The following SLC45A4 variants were observed in gnomAD, a reference collection of about 807,000 sequenced individuals.
SLC45A4 encodes polyamine-transporter SLC45A4.
In SLC45A4, 32 loss-of-function variants were observed where a neutral mutation model predicts 63.7. That is an observed-to-expected ratio of 0.50 (90% CI 0.38 to 0.67). The LOEUF (loss-of-function observed/expected upper bound fraction) is 0.67. Ranked by LOEUF, SLC45A4 falls within the 30% of genes least tolerant of loss-of-function variation. The pLI is 0.00. For synonymous variants in SLC45A4, 535 were observed against 510.0 expected (o/e 1.05, Z -0.66); for missense variants, 1,027 against 1,157.7 (o/e 0.89, Z 1.64).
At chr8:141,296,500 T>TA (rs35777679) in intron 1 of SLC45A4, among the ~76,000 whole-genome samples, 38,006 of 107,766 alleles carry the variant, frequency 0.35, 6,891 homozygotes, top group Middle Eastern at 0.42. Context: ...CCTCATTTCT[T>TA]AAAAAAAAAA....
intron 1 of SLC45A4, among the ~76,000 whole-genome samples, chr8:141,268,765 G>A (rs1010283720): frequency 2.6e-5 from 4 of 152,276 alleles, no homozygotes; most frequent in African/African-American, 9.6e-5. Flanking sequence ...TGACTGCCGC[G>A]TACTTGGGGA....
At chr8:141,268,132 G>T (rs531793559) in intron 1 of SLC45A4, among the ~76,000 whole-genome samples, 2 of 152,184 alleles carry the variant, frequency 1.3e-5, no homozygotes, top group Non-Finnish European at 2.9e-5. Flanking sequence ...ACCGCTAAAC[G>T]GAAATGAGCT....
intron 2 of SLC45A4, chr8:141,230,106 G>C (rs924891843): frequency 2.2e-6 from 1 of 456,280 alleles, no homozygotes. Flanking sequence ...CATGTCAGAG[G>C]CCGCATTAGA....
intron 1 of SLC45A4, among the ~76,000 whole-genome samples, chr8:141,295,992 C>G (rs1309014276): frequency 2.0e-5 from 3 of 152,228 alleles, no homozygotes; most frequent in Non-Finnish European, 2.9e-5. Context: ...CCCTAGGAAA[C>G]AGGCTTCCAG....
intron 4 of SLC45A4, 76 bp from the exon 5 acceptor site, chr8:141,219,105 C>G (rs1444463926): frequency 6.6e-7 from 1 of 1,519,836 alleles, no homozygotes; most frequent in African/African-American, 1.4e-5. Flanking sequence ...AGGGCCTCTC[C>G]CTCTAACAGG....
intron 1 of SLC45A4, among the ~76,000 whole-genome samples, chr8:141,305,602 G>C (rs1830872406): frequency 6.6e-6 from 1 of 152,150 alleles, no homozygotes; most frequent in African/African-American, 2.4e-5. Flanking sequence ...TGGCAATTTG[G>C]GGTTGTCTGC....
Position 141,208,453 on chromosome 8 carries a change from C to T in SLC45A4, c.*3119G>A, listed in dbSNP as rs1161222694. The T allele has an allele frequency of 2.6e-5, 4 of 152,252 alleles. No homozygotes were observed. Among genetic ancestry groups the T allele is most frequent in the African/African-American group, 9.7e-5 (4 of 41,440 alleles). The allele number at this position is 152,252 out of a possible 1,614,324, so 9.4% of individuals were successfully genotyped here. ...CTCCACACCTGGGGCATTCAAGAAA[C>T]ACTCCTGATGGCTGTTGGAAGCCAC... On this transcript the variant is annotated 3_prime_UTR_variant, in exon 9 of 9. Transcript: ENST00000517878.
chr8:141,246,643 G>T (rs548297571), intron 2 of SLC45A4, among the ~76,000 whole-genome samples: 1 of 20,734 alleles, frequency 4.8e-5, no homozygotes, highest in Non-Finnish European at 1.2e-4. Context: ...AAGCCAAGGG[G>T]TGAAGGTCAC....
At chr8:141,266,415 C>A (rs769325342) in intron 1 of SLC45A4, among the ~76,000 whole-genome samples, 17 of 152,186 alleles carry the variant, frequency 1.1e-4, no homozygotes, top group Non-Finnish European at 1.6e-4. Context: ...CCACCACCAC[C>A]ATCAGCCTCG....
At chr8:141,222,824 TGGCAGGG>T (rs899969587) in intron 2 of SLC45A4, among the ~76,000 whole-genome samples, 2 of 152,180 alleles carry the variant, frequency 1.3e-5, no homozygotes, top group African/African-American at 4.8e-5. Context: ...CGGTTGCCCT[TGGCAGGG>T]GGCAGGGGGC....
chr8:141,238,464 T>A (rs975043192), intron 2 of SLC45A4, among the ~76,000 whole-genome samples: 10 of 152,050 alleles, frequency 6.6e-5, no homozygotes, highest in African/African-American at 2.4e-4. Context: ...CCACAAAACA[T>A]GCACTCCTCT....
chr8:141,254,404 G>T lies in SLC45A4; in HGVS notation c.-175C>A. On this transcript the variant is annotated 5_prime_UTR_variant, in exon 2 of 9. Transcript: ENST00000517878. The surrounding 1 kb of genome is among the most constrained non-coding windows in gnomAD (Gnocchi z 4.5). ...GGCTATCTCACAACTTCTCACAACG[G>T]TATGAGACATGCAGCAACACAGAAC... 1 of 739,880 alleles carries T rather than the reference G, an allele frequency of 1.4e-6. No individual in the cohort carries two copies. The highest frequency in any genetic ancestry group is 2.2e-6 in the Non-Finnish European group (1 of 455,572). The allele number at this position is 739,880 out of a possible 1,614,324, so 45.8% of individuals were successfully genotyped here.
intron 1 of SLC45A4, among the ~76,000 whole-genome samples, chr8:141,298,232 T>C (rs577899895): frequency 2.0e-5 from 3 of 152,394 alleles, no homozygotes; most frequent in South Asian, 2.1e-4. Flanking sequence ...TTTTCACTAC[T>C]TTTAGGCATG....
At chr8:141,232,894 A>T (rs1281017715) in intron 2 of SLC45A4, among the ~76,000 whole-genome samples, 2 of 152,202 alleles carry the variant, frequency 1.3e-5, no homozygotes, top group Non-Finnish European at 2.9e-5. Flanking sequence ...GTCTCCTTTC[A>T]GTGGTTGCCA....
intron 2 of SLC45A4, chr8:141,253,144 C>T (rs1038311747): frequency 2.2e-5 from 3 of 136,082 alleles, no homozygotes; most frequent in African/African-American, 7.8e-5. Flanking sequence ...TTCACGCCCA[C>T]CTGCAAGTCT....
chr8:141,218,719 G>A lies in SLC45A4; in HGVS notation c.921C>T (p.Ser307=), dbSNP rs753179890. 37 of 1,612,620 alleles carry A rather than the reference G, an allele frequency of 2.3e-5. 1 individual carries two copies. Among genetic ancestry groups the A allele is most frequent in the Middle Eastern group, 3.3e-4 (2 of 6,080 alleles). The change falls in exon 5 of 9, where the codon AGC becomes AGT. Residue 307 remains serine, a synonymous_variant. Transcript: ENST00000517878. The stretch of plus-strand genomic sequence containing the variant: ...TGTCCGGCACGTGCAATGCCGAGTC[G>A]CTTTTGCTGCGCATGATGTCCACGT... ...YPDVDIMRSK[S]DSALHVPDTA...
intron 6 of SLC45A4, among the ~76,000 whole-genome samples, chr8:141,216,421 T>A (rs901499918): frequency 6.6e-6 from 1 of 152,232 alleles, no homozygotes; most frequent in Admixed American, 6.5e-5. Flanking sequence ...CCCTTCCTGA[T>A]GCGGCAGCTC....
chr8:141,296,859 T>TAAAA (rs1830574268), intron 1 of SLC45A4, among the ~76,000 whole-genome samples: 1 of 111,236 alleles, frequency 9.0e-6, no homozygotes. Context: ...AAAAAAAAAG[T>TAAAA]GGAGGGAAAG....
chr8:141,254,621 C>T lies in SLC45A4; in HGVS notation c.-392G>A, dbSNP rs755118310. On this transcript the variant is annotated 5_prime_UTR_variant, in exon 2 of 9. Transcript: ENST00000517878. The surrounding 1 kb of genome is among the most constrained non-coding windows in gnomAD (Gnocchi z 4.5). The stretch of plus-strand genomic sequence containing the variant: ...TCCGCTGGTAATCCCCATCGAGTGA[C>T]TGGATGATCTGCAAAAGAGGAAAAC... 9.3e-5 allele frequency: 65 copies of T among 699,966 alleles called. 1 individual carries two copies. The Admixed American group carries it at 9.8e-4, about 11-fold the overall frequency. The allele number at this position is 699,966 out of a possible 1,614,324, so 43.4% of individuals were successfully genotyped here.
Sources: allele counts gnomAD v4.1 joint callset (sites outside exome capture counted in the v4.1 genomes callset), GRCh38; gene constraint gnomAD v4.1.1; non-coding constraint Gnocchi (gnomAD v3.1); transcripts MANE v1.5; gene names NCBI Gene and HGNC (gene_info 2026-07-23, HGNC 2026-07-21).